CALCRL: variants seen among roughly 807,000 people sequenced by gnomAD.
CALCRL encodes the protein calcitonin receptor like receptor, also known as calcitonin gene-related peptide type 1 receptor.
A neutral mutation model predicts 60.4 loss-of-function variants in CALCRL; 27 were observed. The ratio of observed to expected loss-of-function variants is 0.45; its 90% CI spans 0.33 to 0.62. The LOEUF is 0.62. Among genes scored for constraint, CALCRL ranks in the 20% least tolerant of loss-of-function variants. The pLI, the probability that CALCRL is intolerant of heterozygous loss-of-function variation, is 0.03. For synonymous variants in CALCRL, 190 were observed against 182.6 expected, an observed-to-expected ratio of 1.04 and a Z score of -0.33; for missense variants, 424 against 540.7, an observed-to-expected ratio of 0.78 and a Z score of 2.14.
chr2:187,434,793 C>T (rs1201808007), intron 1 of CALCRL, among the ~76,000 whole-genome samples: 1 of 152,050 alleles, frequency 6.6e-6, no homozygotes, highest in Non-Finnish European at 1.5e-5. Flanking sequence ...ACAGCTATAC[C>T]CATTAACAAT....
chr2:187,367,783 A>G (rs1033650003), intron 8 of CALCRL, among the ~76,000 whole-genome samples: 1 of 152,044 alleles, frequency 6.6e-6, no homozygotes, highest in Non-Finnish European at 1.5e-5. Context: ...TAACCACAGA[A>G]CAGAAAATGG....
rs563491548 is a variant in CALCRL, at chr2:187,363,229, G to T, written c.627+147C>A. 135 of 681,340 alleles carry T rather than the reference G, an allele frequency of 2.0e-4. 2 individuals carry two copies. In the South Asian group the frequency reaches 3.1e-3, roughly 16 times the overall value. 42.2% of individuals were successfully genotyped at this position (681,340 alleles called of 1,614,324 possible). A position where few individuals can be genotyped will look rare whatever the true frequency, so the allele number is the denominator to read the frequency against. ...GTAAATATTTCTCAATATTCCCCAA[G>T]ATATAAAGACTTGAAAATATATATA... On this transcript the variant is annotated intron_variant, in intron 9 of 14. Coordinates refer to ENST00000392370, the MANE Select transcript of CALCRL (RefSeq NM_005795.6).
At chr2:187,352,938 A>T (rs1322639014) in intron 12 of CALCRL, among the ~76,000 whole-genome samples, 3 of 151,892 alleles carry the variant, frequency 2.0e-5, no homozygotes, top group Non-Finnish European at 4.4e-5. Flanking sequence ...AGCTAAAATA[A>T]TTTGACATTC....
At chr2:187,372,712 A>T (rs1687586732) in intron 8 of CALCRL, among the ~76,000 whole-genome samples, 1 of 152,184 alleles carries the variant, frequency 6.6e-6, no homozygotes. Flanking sequence ...GTAAGCAAGA[A>T]TAAGTACAGT....
At chr2:187,427,831 A>C (rs1690213666) in intron 1 of CALCRL, among the ~76,000 whole-genome samples, 1 of 152,212 alleles carries the variant, frequency 6.6e-6, no homozygotes, top group South Asian at 2.1e-4. Context: ...ATGAAGTCAA[A>C]AAGAGAGAGG....
At chr2:187,420,407 A>G (rs887454761) in intron 1 of CALCRL, among the ~76,000 whole-genome samples, 3 of 152,134 alleles carry the variant, frequency 2.0e-5, no homozygotes, top group Non-Finnish European at 4.4e-5. Context: ...CATCGAAGGT[A>G]TAACTTATAT....
chr2:187,365,390 A>C (rs1040580933), intron 8 of CALCRL, among the ~76,000 whole-genome samples: 15 of 152,168 alleles, frequency 9.9e-5, no homozygotes, highest in African/African-American at 3.6e-4. Context: ...TTGAGTGCCA[A>C]GTATTGTTTA....
rs1157963819 is a variant in CALCRL at position 187,448,110 on chromosome 2, G to GC, written c.-365_-364insG. ...GAACTTTACTTTCTGAGATTCCGCA[G>GC]AAGAGATTTACCCACAAGCAAGGTG... On this transcript the variant is annotated 5_prime_UTR_variant, in exon 1 of 15. Transcript: ENST00000392370. The GC allele has an allele frequency of 6.6e-6, 1 of 152,112 alleles. No individual in the cohort carries two copies. Among genetic ancestry groups the GC allele is most frequent in the Non-Finnish European group, 1.5e-5 (1 of 68,014 alleles). 9.4% of individuals were successfully genotyped at this position (152,112 alleles called of 1,614,324 possible).
chr2:187,434,239 G>A (rs1574323217), intron 1 of CALCRL, among the ~76,000 whole-genome samples: 1 of 151,918 alleles, frequency 6.6e-6, no homozygotes, highest in East Asian at 1.9e-4. Flanking sequence ...GCTTTCCCTG[G>A]ACCACCTAAC....
intron 1 of CALCRL, among the ~76,000 whole-genome samples, chr2:187,394,828 A>G (rs1688592621): frequency 6.6e-6 from 1 of 152,000 alleles, no homozygotes; most frequent in Non-Finnish European, 1.5e-5. Context: ...AAACTCTCTC[A>G]ACCGATTTTC....
chr2:187,348,057 AAAT>A (rs1169747957), intron 14 of CALCRL, among the ~76,000 whole-genome samples: 1 of 151,754 alleles, frequency 6.6e-6, no homozygotes, highest in Non-Finnish European at 1.5e-5. Flanking sequence ...TATGCTTTGA[AAAT>A]AAAAGCATTT....
At chr2:187,425,282 CA>C (rs1690070982) in intron 1 of CALCRL, among the ~76,000 whole-genome samples, 1 of 151,796 alleles carries the variant, frequency 6.6e-6, no homozygotes, top group East Asian at 1.9e-4. Flanking sequence ...TTATCAAAAA[CA>C]AAAACAAAAG....
intron 4 of CALCRL, among the ~76,000 whole-genome samples, chr2:187,384,871 A>G (rs935208748): frequency 1.3e-5 from 2 of 152,070 alleles, no homozygotes; most frequent in Non-Finnish European, 2.9e-5. Context: ...GTAGAGAAAA[A>G]CATGGGTGAT....
chr2:187,435,232 G>C (rs531133339), intron 1 of CALCRL, among the ~76,000 whole-genome samples: 1 of 152,260 alleles, frequency 6.6e-6, no homozygotes, highest in Non-Finnish European at 1.5e-5. Flanking sequence ...GCCTCAGGAA[G>C]TCTACAATCA....
At chr2:187,416,475 A>C (rs1689611440) in intron 1 of CALCRL, among the ~76,000 whole-genome samples, 1 of 152,180 alleles carries the variant, frequency 6.6e-6, no homozygotes, top group Admixed American at 6.5e-5. Flanking sequence ...AAAACTTATT[A>C]AACACAGATA....
chr2:187,415,644 C>T, intron 1 of CALCRL: 5 of 615,012 alleles, frequency 8.1e-6, no homozygotes, highest in East Asian at 3.7e-5. Flanking sequence ...CATCGGAGGG[C>T]CCCCTCAAGG....
At chr2:187,446,698 T>C (rs1691203644) in intron 1 of CALCRL, among the ~76,000 whole-genome samples, 1 of 151,850 alleles carries the variant, frequency 6.6e-6, no homozygotes, top group African/African-American at 2.4e-5. Flanking sequence ...TTCCCATTTC[T>C]ACACATGTGT....
At chr2:187,447,255 G>A (rs930164339) in intron 1 of CALCRL, among the ~76,000 whole-genome samples, 3 of 147,136 alleles carry the variant, frequency 2.0e-5, no homozygotes, top group African/African-American at 7.3e-5. Context: ...CACAGATATC[G>A]TGGTATCACA....
intron 1 of CALCRL, among the ~76,000 whole-genome samples, chr2:187,389,363 G>A (rs1358305798): frequency 6.6e-6 from 1 of 152,050 alleles, no homozygotes; most frequent in African/African-American, 2.4e-5. Context: ...GTGAGCCACC[G>A]TGCCTTGCCT....
Sources: allele counts gnomAD v4.1 joint callset (sites outside exome capture counted in the v4.1 genomes callset), GRCh38; gene constraint gnomAD v4.1.1; transcripts MANE v1.5; gene names NCBI Gene and HGNC (gene_info 2026-07-23, HGNC 2026-07-21).